CDH10: variants seen among roughly 807,000 people sequenced by gnomAD.
The protein encoded by CDH10 is cadherin 10.
In CDH10, 30 loss-of-function variants were observed where a neutral mutation model predicts 73.1. The observed-to-expected ratio is 0.41, with a 90% CI of 0.31 to 0.56. CDH10 has a LOEUF of 0.56. Among genes scored for constraint, CDH10 ranks in the 20% least tolerant of loss-of-function variants. The pLI is 0.27. For missense variants in CDH10, 815 were observed against 973.7 expected, an observed-to-expected ratio of 0.84 and a Z score of 2.17; for synonymous variants, 345 against 348.2, an observed-to-expected ratio of 0.99 and a Z score of 0.10.
intron 8 of CDH10, among the ~76,000 whole-genome samples, chr5:24,498,793 C>T (rs761401143): frequency 7.8e-4 from 119 of 152,174 alleles, no homozygotes; most frequent in Middle Eastern, 6.8e-3. Flanking sequence ...ACTATATTTG[C>T]GTCCTTATTG....
chr5:24,533,022 G>A (rs545944459), intron 5 of CDH10, among the ~76,000 whole-genome samples: 1 of 151,972 alleles, frequency 6.6e-6, no homozygotes, highest in East Asian at 1.9e-4. Context: ...TGTTCCCAAA[G>A]GTCAGATAAG....
At position 24,547,340 on chromosome 5, in the gene CDH10, G is replaced by A. The variant is rs375610504; in HGVS notation, c.232-9666C>T. Among the ~76,000 whole-genome samples, 6 of 152,196 alleles carry A rather than the reference G, an allele frequency of 3.9e-5. No homozygotes were observed. The East Asian group carries it at 5.8e-4, about 15-fold the overall frequency. On this transcript the variant is annotated intron_variant, in intron 2 of 11. Coordinates refer to ENST00000264463, the MANE Select transcript of CDH10 (RefSeq NM_006727.5). Reference sequence around the variant, plus strand: ...CAGGGCCAAATTGCTATGTAAACAAGAACTGAATAAACTGAAACCTGAGAG... The same window carrying A: ...CAGGGCCAAATTGCTATGTAAACAAAAACTGAATAAACTGAAACCTGAGAG...
At chr5:24,488,771 AAAT>A (rs1741937649) in intron 11 of CDH10, among the ~76,000 whole-genome samples, 1 of 150,048 alleles carries the variant, frequency 6.7e-6, no homozygotes, top group African/African-American at 2.4e-5. Context: ...GTTTCCATGA[AAAT>A]ATATACCTTG....
chr5:24,493,181 A>G (rs79486317), intron 9 of CDH10, among the ~76,000 whole-genome samples: 1,641 of 151,984 alleles, frequency 0.011, 32 homozygotes, highest in African/African-American at 0.037. Context: ...GGGTTTTATT[A>G]ATTTAGATAT....
intron 7 of CDH10, 42 bp from the exon 8 acceptor site, chr5:24,505,290 A>C: frequency 6.3e-7 from 1 of 1,576,334 alleles, no homozygotes. Flanking sequence ...CAGCATTATT[A>C]ATAGTTTGCA....
rs70965605 is a variant in CDH10 at position 24,504,506 on chromosome 5, CTTT to C, written c.1393+603_1393+605del. ...TATTAAATGCTTTTCTCCTATTAAT[CTTT>C]TTTTTTTTTTTTTTTTTTTTTTTTT... On this transcript the variant is annotated intron_variant, in intron 8 of 11. Transcript: ENST00000264463. Among the ~76,000 whole-genome samples the C allele has an allele frequency of 4.5e-3, 295 of 65,152 alleles. 72 individuals carry two copies. Among genetic ancestry groups the C allele is most frequent in the East Asian group, 0.015 (28 of 1,840 alleles). 42.7% of individuals were successfully genotyped at this position (65,152 alleles called of 152,430 possible). A position where few individuals can be genotyped will look rare whatever the true frequency, so the allele number is the denominator to read the frequency against.
chr5:24,512,447 C>G (rs1370483475), intron 5 of CDH10, among the ~76,000 whole-genome samples: 1 of 152,174 alleles, frequency 6.6e-6, no homozygotes, highest in Non-Finnish European at 1.5e-5. Context: ...TTATTTACTA[C>G]TCATACTTAT....
At chr5:24,494,268 T>C (rs1011138746) in intron 9 of CDH10, among the ~76,000 whole-genome samples, 2 of 151,872 alleles carry the variant, frequency 1.3e-5, no homozygotes, top group Non-Finnish European at 2.9e-5. Context: ...ATTAATAAAG[T>C]CAAAATATTG....
At chr5:24,499,424 G>A (rs1742409475) in intron 8 of CDH10, 1 of 152,582 alleles carries the variant, frequency 6.6e-6, no homozygotes, top group Non-Finnish European at 1.5e-5. Flanking sequence ...GATGGCTCGT[G>A]GCTGTAATCC....
At chr5:24,507,912 T>C (rs1742756740) in intron 7 of CDH10, among the ~76,000 whole-genome samples, 1 of 152,168 alleles carries the variant, frequency 6.6e-6, no homozygotes, top group South Asian at 2.1e-4. Flanking sequence ...TAAGAAAACA[T>C]ATTTATGTGA....
At chr5:24,603,812 T>C (rs904393100) in intron 1 of CDH10, among the ~76,000 whole-genome samples, 3 of 152,130 alleles carry the variant, frequency 2.0e-5, no homozygotes, top group Non-Finnish European at 4.4e-5. Context: ...TTAAACTGGT[T>C]GTCCTAGCCA....
At chr5:24,593,786 C>G (rs1442558558) in intron 1 of CDH10, among the ~76,000 whole-genome samples, 173 bp from the exon 2 acceptor site, 1 of 151,814 alleles carries the variant, frequency 6.6e-6, no homozygotes, top group East Asian at 1.9e-4. Context: ...AGCAATATGT[C>G]TACAATGTAC....
intron 2 of CDH10, 53 bp downstream of exon 2, chr5:24,593,207 G>T: frequency 1.0e-6 from 1 of 991,466 alleles, no homozygotes; most frequent in South Asian, 1.4e-5. Flanking sequence ...ATTTTCATCA[G>T]TAAAATATAT....
At chr5:24,587,917 G>A (rs1746077217) in intron 2 of CDH10, among the ~76,000 whole-genome samples, 1 of 152,152 alleles carries the variant, frequency 6.6e-6, no homozygotes. Context: ...TGTATTGAGA[G>A]ATACATACAT....
intron 8 of CDH10, among the ~76,000 whole-genome samples, chr5:24,499,172 T>C (rs1742401146): frequency 6.6e-6 from 1 of 152,204 alleles, no homozygotes; most frequent in African/African-American, 2.4e-5. Context: ...ATTATATGGC[T>C]ACTTATCTTA....
chr5:24,545,698 C>T (rs989401410), intron 2 of CDH10, among the ~76,000 whole-genome samples: 5 of 151,848 alleles, frequency 3.3e-5, no homozygotes, highest in African/African-American at 1.2e-4. Flanking sequence ...GTAGTCCCAA[C>T]TACTTGGGAC....
intron 2 of CDH10, among the ~76,000 whole-genome samples, chr5:24,552,183 T>C (rs1175919243): frequency 1.3e-5 from 2 of 152,050 alleles, no homozygotes; most frequent in Non-Finnish European, 1.5e-5. Flanking sequence ...TTTACCTTTT[T>C]GTTTGGATAT....
chr5:24,518,855 G>A (rs1048885635), intron 5 of CDH10, among the ~76,000 whole-genome samples: 1 of 150,478 alleles, frequency 6.6e-6, no homozygotes, highest in Non-Finnish European at 1.5e-5. Flanking sequence ...ATCTTGCAAG[G>A]GACTAATTTT....
At chr5:24,490,003 A>G (rs1017331604) in intron 11 of CDH10, among the ~76,000 whole-genome samples, 5 of 152,162 alleles carry the variant, frequency 3.3e-5, no homozygotes, top group Non-Finnish European at 7.4e-5. Flanking sequence ...CATTATGCAT[A>G]AAATGAAAAT....
Sources: gnomAD v4.1 joint callset for allele counts (sites outside exome capture counted in the v4.1 genomes callset) on GRCh38, gnomAD v4.1.1 for gene constraint, MANE v1.5 for transcripts, NCBI Gene and HGNC (gene_info 2026-07-23, HGNC 2026-07-21) for gene names.